The following ANK2 variants were observed in gnomAD, a reference collection of about 807,000 sequenced individuals.
The protein encoded by ANK2 is ankyrin-2.
In ANK2, 83 loss-of-function variants were observed where a neutral mutation model predicts 360.5. The observed-to-expected ratio is 0.23, with a 90% CI of 0.19 to 0.28. The LOEUF (loss-of-function observed/expected upper bound fraction) is 0.28. Among genes scored for constraint, ANK2 ranks in the 10% least tolerant of loss-of-function variants. The pLI is 1.00. For synonymous variants in ANK2, 1,740 were observed against 1,759.5 expected, an observed-to-expected ratio of 0.99 and a Z score of 0.28; for missense variants, 4,201 against 4,795.7, an observed-to-expected ratio of 0.88 and a Z score of 3.66.
Position 113,333,163 on chromosome 4 carries a change from T to C in ANK2, c.3334T>C (p.Tyr1112His), listed in dbSNP as rs746376921. The C allele has an allele frequency of 1.9e-6, 3 of 1,614,198 alleles. No individual in the cohort carries two copies. The highest frequency in any genetic ancestry group is 2.5e-6 in the Non-Finnish European group (3 of 1,180,036). Residue 1112 changes from tyrosine (Y) to histidine (H), a missense_variant, in exon 29 of 46, where the codon TAC becomes CAC. Coordinates refer to ENST00000357077, the MANE Select transcript of ANK2 (RefSeq NM_001148.6). ...GDSWKEHFCD[Y>H]TEDELNEILN... ...CAGCTGGAAAGAGCATTTCTGTGAC[T>C]ACACTGAAGATGAATTGAATGAAAT...
chr4:112,811,464 G>T, the ANK2 span, among the ~76,000 whole-genome samples: 1 of 152,094 alleles, frequency 6.6e-6, no homozygotes, highest in African/African-American at 2.4e-5. Flanking sequence ...ACAATACTTA[G>T]TTGTGTTACT....
In ANK2 at chr4:113,030,250, G is replaced by T. The variant is rs114130847; in HGVS notation, c.21+125736G>T. 3.2e-3 allele frequency among the ~76,000 whole-genome samples: 493 copies of T among 152,146 alleles called. 7 individuals are homozygous for T. Among genetic ancestry groups the T allele is most frequent in the African/African-American group, 0.011 (460 of 41,518 alleles). ...GGAAGGCTCAACCATTTAGAGAATG[G>T]AATGTCTTATGTGTGGCTCACTTGA... On this transcript the variant is annotated intron_variant, in intron 2 of 30. Transcript: ENST00000503271.
intron 1 of ANK2, chr4:113,117,519 C>T (rs1426825999): frequency 2.4e-6 from 1 of 414,108 alleles, no homozygotes; most frequent in Non-Finnish European, 4.8e-6. Context: ...CATCATTCCC[C>T]TGCACCATTT....
intron 1 of ANK2, among the ~76,000 whole-genome samples, chr4:112,859,223 A>T (rs556465988): frequency 5.9e-5 from 9 of 152,328 alleles, no homozygotes; most frequent in Non-Finnish European, 1.0e-4. Flanking sequence ...GGAGTAAATG[A>T]TGAATAATAT....
At chr4:112,865,071 G>A (rs1192478873) in intron 1 of ANK2, among the ~76,000 whole-genome samples, 55 of 113,172 alleles carry the variant, frequency 4.9e-4, no homozygotes, top group African/African-American at 1.4e-3. Context: ...AAAAAAAAAA[G>A]GAGTAGAAAC....
chr4:112,727,916 G>A, the ANK2 span, among the ~76,000 whole-genome samples: 1 of 152,188 alleles, frequency 6.6e-6, no homozygotes, highest in Non-Finnish European at 1.5e-5. Context: ...GGCGGACGTT[G>A]CGGTGAGCCG....
At chr4:112,856,297 G>A (rs191670580) in intron 1 of ANK2, among the ~76,000 whole-genome samples, 3 of 152,188 alleles carry the variant, frequency 2.0e-5, no homozygotes, top group African/African-American at 2.4e-5. Flanking sequence ...AGAGGGAGTC[G>A]CACCTCAAGA....
intron 1 of ANK2, among the ~76,000 whole-genome samples, chr4:113,112,163 A>T (rs975229140): frequency 6.6e-6 from 1 of 152,238 alleles, no homozygotes; most frequent in Non-Finnish European, 1.5e-5. Context: ...ATACTATTAT[A>T]GTAAATTAAA....
At chr4:113,306,334 G>C (rs2077230965) in intron 23 of ANK2, among the ~76,000 whole-genome samples, 1 of 152,150 alleles carries the variant, frequency 6.6e-6, no homozygotes, top group Admixed American at 6.5e-5. Flanking sequence ...AACAGTATGG[G>C]AAAGTCTTGA....
chr4:113,174,289 C>T (rs2098109484), intron 1 of ANK2, 127 bp from the exon 2 acceptor site: 1 of 711,214 alleles, frequency 1.4e-6, no homozygotes, highest in Admixed American at 2.1e-5. Flanking sequence ...ATGTTTTAAA[C>T]TCCGTATTAT....
intron 45 of ANK2, 74 bp from the exon 46 acceptor site, chr4:113,381,383 G>A (rs371536050): frequency 2.2e-5 from 34 of 1,524,630 alleles, no homozygotes; most frequent in Non-Finnish European, 3.0e-5. Flanking sequence ...TCAGTGTAAT[G>A]GTCACCTTCA....
At chr4:113,237,752 T>C in intron 7 of ANK2, 130 bp downstream of exon 7, 4 of 857,776 alleles carry the variant, frequency 4.7e-6, no homozygotes, top group Non-Finnish European at 7.8e-6. Context: ...TTGAAAACCT[T>C]CCCCATAATG....
At chr4:112,764,597 C>A in the ANK2 span, among the ~76,000 whole-genome samples, 1 of 152,068 alleles carries the variant, frequency 6.6e-6, no homozygotes, top group African/African-American at 2.4e-5. Flanking sequence ...CGGCCTCGGC[C>A]TCCCAAAGTG....
At position 113,355,496 on chromosome 4, in the gene ANK2, G is replaced by A. The variant is rs776469600; in HGVS notation, c.6878G>A (p.Gly2293Asp). Residue 2293 changes from glycine to aspartate, a missense_variant, in exon 38 of 46, where the codon GGT becomes GAT. Gly to Asp is a moderately conservative substitution (Grantham distance 94). Transcript: ENST00000357077. Reference protein sequence around the residue: ...KDITGGSEERGATVTEDSETS... With the variant: ...KDITGGSEERDATVTEDSETS... ...ATTACTGGTGGCTCTGAAGAGCGAG[G>A]TGCCACAGTCACTGAGGACTCAGAG... The A allele has an allele frequency of 5.0e-6, 8 of 1,614,024 alleles. No individual in the cohort carries two copies. In the South Asian group the frequency reaches 5.5e-5, roughly 11 times the overall value.
At chr4:113,375,440 G>A (rs368757905) in intron 45 of ANK2, among the ~76,000 whole-genome samples, 37 of 150,422 alleles carry the variant, frequency 2.5e-4, no homozygotes, top group South Asian at 1.3e-3. Flanking sequence ...ATGGGTCCAC[G>A]GTTGGCCAGG....
chr4:112,864,420 C>T (rs1249462901), intron 1 of ANK2, among the ~76,000 whole-genome samples: 1 of 152,062 alleles, frequency 6.6e-6, no homozygotes, highest in Non-Finnish European at 1.5e-5. Flanking sequence ...AGCGATTCTT[C>T]TGCCTCAGCT....
At chr4:112,928,468 A>G (rs973322287) in intron 2 of ANK2, among the ~76,000 whole-genome samples, 1 of 152,118 alleles carries the variant, frequency 6.6e-6, no homozygotes, top group Admixed American at 6.6e-5. Context: ...GGCAATCATA[A>G]TTGTTACTGG....
At chr4:113,146,956 C>T (rs1440549324) in intron 1 of ANK2, among the ~76,000 whole-genome samples, 2 of 152,154 alleles carry the variant, frequency 1.3e-5, no homozygotes, top group African/African-American at 4.8e-5. Flanking sequence ...AGGTGGTGCT[C>T]TGCTCTCTTT....
the ANK2 span, chr4:112,788,363 C>A: frequency 6.4e-7 from 1 of 1,555,730 alleles, no homozygotes; most frequent in African/African-American, 1.4e-5. Flanking sequence ...CATTTTACGA[C>A]ATAGGGCAGG....
Sources: allele counts gnomAD v4.1 joint callset (sites outside exome capture counted in the v4.1 genomes callset), GRCh38; gene constraint gnomAD v4.1.1; transcripts MANE v1.5; gene names NCBI Gene and HGNC (gene_info 2026-07-23, HGNC 2026-07-21).